Variants in RANBP10 observed in about 807,000 individuals in gnomAD.
The protein encoded by RANBP10 is ran-binding protein 10.
A neutral mutation model predicts 72.8 loss-of-function variants in RANBP10; 24 were observed. The observed-to-expected ratio is 0.33, with a 90% CI of 0.24 to 0.46. The LOEUF (loss-of-function observed/expected upper bound fraction) is 0.46, where lower values mean the gene tolerates loss of function less well. Ranked by LOEUF, RANBP10 falls within the 20% of genes least tolerant of loss-of-function variation. RANBP10 has a pLI of 1.00. For synonymous variants in RANBP10, 310 were observed against 322.3 expected (o/e 0.96, Z 0.41); for missense variants, 679 against 817.5 (o/e 0.83, Z 2.07).
At position 67,805,514 on chromosome 16, in the gene RANBP10, C is replaced by T. The variant is rs1251710931; in HGVS notation, c.261G>A (p.Ala87=). The T allele has an allele frequency of 6.2e-6, 10 of 1,614,040 alleles. No individual in the cohort carries two copies. Among genetic ancestry groups the T allele is most frequent in the Admixed American group, 5.0e-5 (3 of 60,010 alleles). The change falls in exon 2 of 14, where the codon GCG becomes GCA. Residue 87 remains alanine, a synonymous_variant. Transcript: ENST00000317506. ...YKGHGKNHKD[A]ASVRATHPIP... Reference sequence around the variant, plus strand: ...TGGGGTGGGTGGCACGCACTGAGGCCGCATCTTTGTGATTTTTGCCATGAC... The same window carrying T: ...TGGGGTGGGTGGCACGCACTGAGGCTGCATCTTTGTGATTTTTGCCATGAC...
chr16:67,747,052 G>A (rs188697924), intron 3 of RANBP10, among the ~76,000 whole-genome samples: 368 of 152,320 alleles, frequency 2.4e-3, no homozygotes, highest in Non-Finnish European at 4.7e-3. Flanking sequence ...ATACTTACAA[G>A]TGGTATTACT....
At chr16:67,765,139 G>A (rs1009347796) in intron 3 of RANBP10, among the ~76,000 whole-genome samples, 4 of 125,216 alleles carry the variant, frequency 3.2e-5, no homozygotes, top group African/African-American at 9.6e-5. Context: ...GGCGGAGGTT[G>A]CACTGAGCCA....
In RANBP10 at chr16:67,756,935, T is replaced by G. The variant is rs2054296528; in HGVS notation, c.401-12480A>C. ...AAAAGAGAATGTGTGCCAGGCGCAG[T>G]GGCTCACGCCTGTTATCCCAGCACT... On this transcript the variant is annotated intron_variant, in intron 3 of 13. Transcript: ENST00000317506. 1.3e-5 allele frequency among the ~76,000 whole-genome samples: 2 copies of G among 152,172 alleles called. 1 individual carries two copies. Among genetic ancestry groups the G allele is most frequent in the Non-Finnish European group, 2.9e-5 (2 of 68,022 alleles).
In RANBP10 at chr16:67,734,925, C is replaced by T. The variant is rs1015861562; in HGVS notation, c.709G>A (p.Val237Ile). 3.7e-6 allele frequency: 6 copies of T among 1,613,778 alleles called. No individual in the cohort carries two copies. In the African/African-American group the frequency reaches 5.3e-5, roughly 14 times the overall value. The change falls in exon 6 of 14, where the codon GTC becomes ATC. Residue 237 changes from valine to isoleucine, a missense_variant. Val to Ile is a conservative substitution (Grantham distance 29, BLOSUM62 3). Coordinates refer to ENST00000317506, the MANE Select transcript of RANBP10 (RefSeq NM_020850.3). ...GGGAAGCAGTGGACCGTGCCCTGGA[C>T]CTTGGCACGCCACTCCCGCATGTAG... ...EDYMREWRAK[V>I]QGTVHCFPIS...
intron 3 of RANBP10, among the ~76,000 whole-genome samples, chr16:67,758,216 T>G (rs1337788825): frequency 6.6e-6 from 1 of 152,214 alleles, no homozygotes; most frequent in African/African-American, 2.4e-5. Context: ...CTGGTCCATC[T>G]GGCAGCACTA....
At chr16:67,750,353 C>G (rs2054170594) in intron 3 of RANBP10, among the ~76,000 whole-genome samples, 3 of 152,228 alleles carry the variant, frequency 2.0e-5, no homozygotes, top group Admixed American at 2.0e-4. Flanking sequence ...GCATCATGAT[C>G]CAGTTCAAAT....
chr16:67,758,658 G>T (rs1403235667), intron 3 of RANBP10, among the ~76,000 whole-genome samples: 1 of 152,206 alleles, frequency 6.6e-6, no homozygotes, highest in African/African-American at 2.4e-5. Context: ...TCTGTTTTCA[G>T]ACACTGACAA....
chr16:67,776,461 CAAAAAAAAAAAAAAA>C (rs149876935), intron 2 of RANBP10, among the ~76,000 whole-genome samples: 1 of 37,894 alleles, frequency 2.6e-5, no homozygotes, highest in East Asian at 1.1e-3. Context: ...GACTCCATCT[CAAAAAAAAAAAAAAA>C]AAAAAAAAAA....
At chr16:67,772,472 C>T (rs555478178) in intron 2 of RANBP10, among the ~76,000 whole-genome samples, 50 of 152,244 alleles carry the variant, frequency 3.3e-4, no homozygotes, top group Non-Finnish European at 6.2e-4. Flanking sequence ...GAGCAATGCA[C>T]GATTGTTCCA....
chr16:67,779,619 TGA>T (rs144371418), intron 2 of RANBP10, among the ~76,000 whole-genome samples: 1,581 of 152,262 alleles, frequency 0.01, 30 homozygotes, highest in African/African-American at 0.036. Flanking sequence ...TGAATATGGC[TGA>T]GTTATTAGGA....
At chr16:67,761,578 TA>T (rs764690937) in intron 3 of RANBP10, among the ~76,000 whole-genome samples, 1 of 152,236 alleles carries the variant, frequency 6.6e-6, no homozygotes, top group Non-Finnish European at 1.5e-5. Context: ...TTTTATTTTT[TA>T]TTTTTTTTGA....
chr16:67,793,181 A>T (rs2055060979), intron 2 of RANBP10, among the ~76,000 whole-genome samples: 1 of 152,128 alleles, frequency 6.6e-6, no homozygotes, highest in African/African-American at 2.4e-5. Flanking sequence ...CTGTGTAATT[A>T]CGGAGCTGAA....
intron 2 of RANBP10, among the ~76,000 whole-genome samples, chr16:67,792,283 C>G (rs760371735): frequency 1.3e-5 from 2 of 151,746 alleles, no homozygotes; most frequent in South Asian, 2.1e-4. Flanking sequence ...GACCAGGCAC[C>G]GTGGCTCACG....
chr16:67,759,590 T>C (rs938576240), intron 3 of RANBP10: 4 of 152,140 alleles, frequency 2.6e-5, no homozygotes, highest in African/African-American at 9.7e-5. Flanking sequence ...GGAAGAAGCA[T>C]GGCTTCCCTC....
chr16:67,794,911 G>A (rs1445327335), intron 2 of RANBP10, among the ~76,000 whole-genome samples: 1 of 139,138 alleles, frequency 7.2e-6, no homozygotes, highest in Non-Finnish European at 1.5e-5. Context: ...GGTGACAAGA[G>A]TGAGACCCTG....
At chr16:67,775,272 C>T (rs2054681469) in intron 2 of RANBP10, among the ~76,000 whole-genome samples, 1 of 152,100 alleles carries the variant, frequency 6.6e-6, no homozygotes, top group African/African-American at 2.4e-5. Context: ...GATCAGGCCA[C>T]TGCATTCCAG....
intron 2 of RANBP10, among the ~76,000 whole-genome samples, chr16:67,774,909 C>T (rs943791158): frequency 2.8e-4 from 42 of 152,110 alleles, no homozygotes; most frequent in Admixed American, 2.3e-3. Flanking sequence ...CTAAAAAACA[C>T]GAATTGTACA....
chr16:67,795,402 G>C (rs1490945935), intron 2 of RANBP10, among the ~76,000 whole-genome samples: 3 of 151,896 alleles, frequency 2.0e-5, no homozygotes, highest in African/African-American at 7.3e-5. Context: ...AGCCAGGCAT[G>C]GTGGTGCACG....
chr16:67,748,156 G>A (rs2143007046), intron 3 of RANBP10, among the ~76,000 whole-genome samples: 1 of 151,924 alleles, frequency 6.6e-6, no homozygotes, highest in East Asian at 1.9e-4. Flanking sequence ...TTCGAAGGTG[G>A]GCTGTGATCG....
Sources: allele counts gnomAD v4.1 joint callset (sites outside exome capture counted in the v4.1 genomes callset), GRCh38; gene constraint gnomAD v4.1.1; transcripts MANE v1.5; gene names NCBI Gene and HGNC (gene_info 2026-07-23, HGNC 2026-07-21).